STRN3: variants seen among roughly 807,000 people sequenced by gnomAD.
The protein encoded by STRN3 is striatin 3, also known as striatin-3.
In STRN3, 29 loss-of-function variants were observed where a neutral mutation model predicts 95.6. The ratio of observed to expected loss-of-function variants is 0.30; its 90% CI spans 0.23 to 0.41. STRN3 has a LOEUF of 0.41. STRN3 is among the 10% of genes least tolerant of loss of function. The pLI, the probability that STRN3 is intolerant of heterozygous loss-of-function variation, is 1.00. For synonymous variants in STRN3, 331 were observed against 357.6 expected (o/e 0.93, Z 0.84); for missense variants, 890 against 972.1 (o/e 0.92, Z 1.12).
At chr14:30,942,157 T>C (rs1289504828) in intron 5 of STRN3, among the ~76,000 whole-genome samples, 3 of 152,210 alleles carry the variant, frequency 2.0e-5, no homozygotes, top group Non-Finnish European at 4.4e-5. Flanking sequence ...TCCAAATCGT[T>C]AAATTCTCCC....
intron 3 of STRN3, among the ~76,000 whole-genome samples, chr14:30,952,625 G>A (rs1309285362): frequency 6.6e-6 from 1 of 151,898 alleles, no homozygotes; most frequent in African/African-American, 2.4e-5. Context: ...GCATGAGCCT[G>A]GGAGACAGAG....
intron 1 of STRN3, among the ~76,000 whole-genome samples, chr14:30,968,346 T>A (rs1594513932): frequency 7.0e-6 from 1 of 143,212 alleles, no homozygotes; most frequent in African/African-American, 2.6e-5. Context: ...AAGAACGTTA[T>A]ATGGTAAATT....
At chr14:30,913,340 A>T (rs1019947746) in intron 10 of STRN3, among the ~76,000 whole-genome samples, 184 bp downstream of exon 10, 21 of 152,282 alleles carry the variant, frequency 1.4e-4, no homozygotes, top group Middle Eastern at 3.4e-3. Context: ...AATACCTAAA[A>T]AAAAAATTTA....
chr14:30,923,495 T>C (rs528432822), intron 8 of STRN3, among the ~76,000 whole-genome samples: 9 of 152,218 alleles, frequency 5.9e-5, no homozygotes, highest in African/African-American at 1.7e-4. Context: ...AAAAAAGTCA[T>C]ATTCCATATA....
chr14:30,950,070 AT>A (rs1370699412), intron 4 of STRN3, among the ~76,000 whole-genome samples: 2 of 152,102 alleles, frequency 1.3e-5, no homozygotes, highest in African/African-American at 4.8e-5. Context: ...AGGGTGATCA[AT>A]TATGGAGTCT....
chr14:30,986,142 T>C (rs555988956), intron 1 of STRN3, among the ~76,000 whole-genome samples: 2 of 152,298 alleles, frequency 1.3e-5, no homozygotes, highest in East Asian at 3.9e-4. Flanking sequence ...TCCCTCTTCA[T>C]TTACCTTCCA....
intron 8 of STRN3, among the ~76,000 whole-genome samples, chr14:30,926,136 A>G (rs957921115): frequency 2.0e-5 from 3 of 152,128 alleles, no homozygotes; most frequent in African/African-American, 7.2e-5. Context: ...TTTTCAATTT[A>G]TAAACCTTCA....
rs578103540 is a variant in STRN3 at position 30,919,716 on chromosome 14, T to G, written c.1100-610A>C. Among the ~76,000 whole-genome samples, 7 of 152,272 alleles carry G rather than the reference T, an allele frequency of 4.6e-5. No homozygotes were observed. In the East Asian group the frequency reaches 1.3e-3, roughly 29 times the overall value. ...TCCCAAATTTGAAAAACCTGATTTA[T>G]CCATGAGATAGATCTCTGAGTTTCT... is the stretch of plus-strand genomic sequence containing the variant. On this transcript the variant is annotated intron_variant, in intron 8 of 17. Transcript: ENST00000357479.
At chr14:30,948,062 GA>G (rs11477309) in intron 4 of STRN3, among the ~76,000 whole-genome samples, 28,778 of 151,744 alleles carry the variant, frequency 0.19, 3,243 homozygotes, top group Non-Finnish European at 0.26. Flanking sequence ...GAATAAATGT[GA>G]AAAAAAATAA....
intron 8 of STRN3, among the ~76,000 whole-genome samples, chr14:30,920,975 T>A (rs1001511302): frequency 3.3e-5 from 5 of 152,046 alleles, no homozygotes; most frequent in African/African-American, 1.2e-4. Context: ...AATTTCCACA[T>A]AGTTTCAGTG....
At chr14:30,919,362 G>GAT (rs149599396) in intron 8 of STRN3, among the ~76,000 whole-genome samples, 12,066 of 146,350 alleles carry the variant, frequency 0.082, 772 homozygotes, top group East Asian at 0.36. Flanking sequence ...TCTCTAAAGA[G>GAT]ATATATATAT....
At chr14:30,959,527 C>T (rs570650996) in intron 1 of STRN3, among the ~76,000 whole-genome samples, 2 of 151,936 alleles carry the variant, frequency 1.3e-5, no homozygotes, top group African/African-American at 4.8e-5. Flanking sequence ...TAATAATGAC[C>T]AATTAAATAA....
At chr14:31,003,206 G>C (rs1405357752) in intron 1 of STRN3, among the ~76,000 whole-genome samples, 2 of 149,094 alleles carry the variant, frequency 1.3e-5, no homozygotes, top group Non-Finnish European at 3.0e-5. Flanking sequence ...AGGTTGCAGT[G>C]AGCCAAGACC....
Position 31,026,134 on chromosome 14 carries a change from GA to G in STRN3, c.51del (p.Arg19GlyfsTer92). The G allele has an allele frequency of 6.7e-7, 1 of 1,497,856 alleles. No individual in the cohort carries two copies. The highest frequency in any genetic ancestry group is 8.9e-7 in the Non-Finnish European group (1 of 1,129,652). 92.8% of individuals were successfully genotyped at this position (1,497,856 alleles called of 1,614,324 possible). A position where few individuals can be genotyped will look rare whatever the true frequency, so the allele number is the denominator to read the frequency against. ...GGGGGPGMAA[P>X]PRQQQGPGGN... ...CCCCCAGGTCCCTGCTGCTGCCGGGGAGGGGCCGCCATCCCCGGGCCGCCAC... is the reference window on the plus strand; with the variant it reads ...CCCCCAGGTCCCTGCTGCTGCCGGGGGGGGCCGCCATCCCCGGGCCGCCAC... On this transcript the variant is annotated frameshift_variant, in exon 1 of 18. Transcript: ENST00000357479. LOFTEE classifies it high-confidence loss of function.
intron 1 of STRN3, among the ~76,000 whole-genome samples, chr14:30,978,200 T>C (rs1471447351): frequency 6.6e-6 from 1 of 152,048 alleles, no homozygotes; most frequent in African/African-American, 2.4e-5. Context: ...AAAAATGTAC[T>C]AGAAGAAAGG....
intron 4 of STRN3, 37 bp downstream of exon 4, chr14:30,950,826 G>C: frequency 6.3e-7 from 1 of 1,579,536 alleles, no homozygotes; most frequent in Non-Finnish European, 8.7e-7. Context: ...TTCATACCTA[G>C]ATCCTTAAAG....
rs1883931315 is a variant in STRN3 at position 31,026,330 on chromosome 14, G to A, written c.-145C>T. ...GGTCGTTGCTGTGTGCCTGCCGTGG[G>A]TCAGAGCAGGGAGCTGCCGGCTGCC... is the stretch of plus-strand genomic sequence containing the variant. On this transcript the variant is annotated 5_prime_UTR_variant, in exon 1 of 18. Coordinates refer to ENST00000357479, the MANE Select transcript of STRN3 (RefSeq NM_001083893.2). 1.2e-6 allele frequency: 1 copy of A among 847,890 alleles called. No homozygotes were observed. The highest frequency in any genetic ancestry group is 1.6e-6 in the Non-Finnish European group (1 of 612,048). The allele number at this position is 847,890 out of a possible 1,614,324, so 52.5% of individuals were successfully genotyped here. A position where few individuals can be genotyped will look rare whatever the true frequency, so the allele number is the denominator to read the frequency against.
chr14:31,021,650 T>G (rs1883512406), intron 1 of STRN3, among the ~76,000 whole-genome samples: 1 of 152,148 alleles, frequency 6.6e-6, no homozygotes, highest in African/African-American at 2.4e-5. Context: ...AGAAAAGTGA[T>G]AAGTGGATGA....
intron 1 of STRN3, among the ~76,000 whole-genome samples, chr14:30,989,589 T>C (rs1881854286): frequency 6.6e-6 from 1 of 151,962 alleles, no homozygotes; most frequent in Non-Finnish European, 1.5e-5. Flanking sequence ...GCCTCCCGAG[T>C]AGCTGGGACT....
Sources: allele counts gnomAD v4.1 joint callset (sites outside exome capture counted in the v4.1 genomes callset), GRCh38; gene constraint gnomAD v4.1.1; transcripts MANE v1.5; gene names NCBI Gene and HGNC (gene_info 2026-07-23, HGNC 2026-07-21).